The following PEAK3 variants were observed in gnomAD, a reference collection of about 807,000 sequenced individuals.
PEAK3 encodes the protein protein PEAK3.
A neutral mutation model predicts 13.3 loss-of-function variants in PEAK3; 15 were observed. The ratio of observed to expected loss-of-function variants is 1.13; its 90% confidence interval spans 0.75 to 1.73. The LOEUF is 1.73. Among genes scored for constraint, PEAK3 ranks in the 40% most tolerant of loss-of-function variants. The probability of loss-of-function intolerance (pLI) is 0.00; values close to 1 mark genes in which losing one functional copy is unlikely to be tolerated. For missense variants in PEAK3, 739 were observed against 690.2 expected, an observed-to-expected ratio of 1.07 and a Z score of -0.79; for synonymous variants, 347 against 341.9, an observed-to-expected ratio of 1.01 and a Z score of -0.17.
Position 2,278,979 on chromosome 19 carries a change from G to A in PEAK3, c.217C>T (p.Arg73Cys), listed in dbSNP as rs1287879811. 28 of 1,595,814 alleles carry A rather than the reference G, an allele frequency of 1.8e-5. 1 individual carries two copies. The highest frequency in any genetic ancestry group is 6.8e-5 in the Admixed American group (4 of 58,774). ...ATGGAGCTGGGATGGAGGGTCCTGCGGGTGGGCAGTGACTGGGTCCGGGTT... is the reference window on the plus strand; with the variant it reads ...ATGGAGCTGGGATGGAGGGTCCTGCAGGTGGGCAGTGACTGGGTCCGGGTT... ...ILTRTQSLPTRRTLHPSSIQV... is the reference protein window; with the variant it reads ...ILTRTQSLPTCRTLHPSSIQV... Residue 73 changes from arginine (R) to cysteine (C), a missense_variant, in exon 3 of 4, where the codon CGC becomes TGC. Arg to Cys is a radical substitution (Grantham distance 180). Coordinates refer to ENST00000342063, the MANE Select transcript of PEAK3 (RefSeq NM_198532.3).
chr19:2,281,982 C>CCGTG (rs2025442238), intron 1 of PEAK3, 105 bp downstream of exon 1: 1 of 152,868 alleles, frequency 6.5e-6, no homozygotes, highest in South Asian at 2.0e-4. Context: ...GAGGGCTCAG[C>CCGTG]CGTGCGGTTG....
chr19:2,281,766 G>A (rs1026180442), intron 1 of PEAK3, among the ~76,000 whole-genome samples: 3 of 152,140 alleles, frequency 2.0e-5, no homozygotes, highest in East Asian at 1.9e-4. Flanking sequence ...GTGTGATCCC[G>A]AGTGGGTTTC....
In PEAK3 at chr19:2,278,688, T is replaced by C. The variant is rs2145072648; in HGVS notation, c.508A>G (p.Ser170Gly). The C allele has an allele frequency of 6.6e-7, 1 of 1,526,474 alleles. No individual in the cohort carries two copies. The highest frequency in any genetic ancestry group is 2.3e-5 in the East Asian group (1 of 43,790). 94.6% of individuals were successfully genotyped at this position (1,526,474 alleles called of 1,614,324 possible). A position where few individuals can be genotyped will look rare whatever the true frequency, so the allele number is the denominator to read the frequency against. Residue 170 changes from serine to glycine, a missense_variant, in exon 3 of 4, where the codon AGC becomes GGC. By Grantham distance (56) the Ser-to-Gly change is moderately conservative. Transcript: ENST00000342063. ...GGTGAGCTGTCTAGGAGGCGGAAGC[T>C]GTGGCCGGGGTGGCAGGGCCCGGGG... ...GHPGPCHPGH[S>G]FRLLDSSPCA...
At chr19:2,280,196 G>A (rs1225586994) in intron 2 of PEAK3, among the ~76,000 whole-genome samples, 1 of 151,426 alleles carries the variant, frequency 6.6e-6, no homozygotes, top group East Asian at 2.0e-4. Flanking sequence ...CCGAGTAGCT[G>A]GAATTACAGG....
chr19:2,281,419 T>C (rs370616312), intron 1 of PEAK3, among the ~76,000 whole-genome samples: 7 of 100,634 alleles, frequency 7.0e-5, no homozygotes, highest in East Asian at 3.2e-4. Flanking sequence ...GCTGTGTGAT[T>C]CTGAGTGGGT....
intron 3 of PEAK3, among the ~76,000 whole-genome samples, 182 bp downstream of exon 3, chr19:2,278,402 C>G (rs966883452): frequency 1.5e-4 from 23 of 152,024 alleles, no homozygotes; most frequent in African/African-American, 5.1e-4. Context: ...CTCAGCTGAT[C>G]CGCCCGCCTT....
At chr19:2,280,793 ACC>A in intron 2 of PEAK3, 55 bp downstream of exon 2, 1 of 1,381,422 alleles carries the variant, frequency 7.2e-7, no homozygotes, top group Non-Finnish European at 9.8e-7. Context: ...CGCTCCCTGC[ACC>A]CCCCTGCCGC....
chr19:2,276,182 G>A lies in PEAK3; in HGVS notation c.920C>T (p.Pro307Leu). The change falls in exon 4 of 4, where the codon CCG becomes CTG. Residue 307 changes from proline to leucine, a missense_variant. By Grantham distance (98) the Pro-to-Leu change is moderately conservative (BLOSUM62 -3). Coordinates refer to ENST00000342063, the MANE Select transcript of PEAK3 (RefSeq NM_198532.3). ...AGGTGCCACCAGCAGCAAGTTCTCC[G>A]GCCGCAACTCGACTAGGGCCGCGCC... ...AWGAALVELR[P>L]ENLLLVAPRG... The A allele has an allele frequency of 1.3e-6, 2 of 1,551,136 alleles. No individual in the cohort carries two copies. The highest frequency in any genetic ancestry group is 1.2e-5 in the South Asian group (1 of 84,868).
intron 1 of PEAK3, among the ~76,000 whole-genome samples, chr19:2,281,394 T>C (rs1181404000): frequency 2.9e-5 from 3 of 101,828 alleles, no homozygotes; most frequent in South Asian, 3.6e-4. Context: ...GGTTTCCTAC[T>C]CTCTCTGGGC....
intron 2 of PEAK3, among the ~76,000 whole-genome samples, chr19:2,280,591 C>CCTGCCTCAGCCTTGGGAGG (rs2025430215): frequency 6.6e-6 from 1 of 151,834 alleles, no homozygotes; most frequent in Non-Finnish European, 1.5e-5. Flanking sequence ...CTCAAGGGAT[C>CCTGCCTCAGCCTTGGGAGG]CACCTGCCTC....
intron 2 of PEAK3, 149 bp from the exon 3 acceptor site, chr19:2,279,262 A>G: frequency 1.6e-6 from 1 of 624,448 alleles, no homozygotes; most frequent in Non-Finnish European, 2.4e-6. Context: ...CCCAGCACTT[A>G]GGAAGGTGGA....
In PEAK3 at chr19:2,275,869, T is replaced by C. The variant is rs1475382676; in HGVS notation, c.1233A>G (p.Ala411=). Residue 411 remains alanine, a synonymous_variant, in exon 4 of 4, where the codon GCA becomes GCG. Coordinates refer to ENST00000342063, the MANE Select transcript of PEAK3 (RefSeq NM_198532.3). ...GCGCTCGGAGCCAGGGACCAAGCGGTGCTCCGCGGCCGCGCAGCTCAGGCC... is the reference window on the plus strand; with the variant it reads ...GCGCTCGGAGCCAGGGACCAAGCGGCGCTCCGCGGCCGCGCAGCTCAGGCC... ...GPGPELRGRG[A]PLGPWLRALG... is the part of the protein sequence containing the mutation. 6.9e-7 allele frequency: 1 copy of C among 1,457,808 alleles called. No individual in the cohort carries two copies. Among genetic ancestry groups the C allele is most frequent in the Non-Finnish European group, 9.0e-7 (1 of 1,111,976 alleles). The allele number at this position is 1,457,808 out of a possible 1,614,324, so 90.3% of individuals were successfully genotyped here.
Position 2,278,593 on chromosome 19 carries a change from C to A in PEAK3, c.603G>T (p.Leu201=). 6.8e-7 allele frequency: 1 copy of A among 1,478,838 alleles called. No homozygotes were observed. Among genetic ancestry groups the A allele is most frequent in the Non-Finnish European group, 9.0e-7 (1 of 1,115,004 alleles). 91.6% of individuals were successfully genotyped at this position (1,478,838 alleles called of 1,614,324 possible). The change falls in exon 3 of 4, where the codon CTG becomes CTT. Residue 201 remains leucine (L), a synonymous_variant. Transcript: ENST00000342063. ...GGGCTGTGGGGCTCACCTTGGCGAC[C>A]AGGATGTGCCAGGCGTCCTCGTGCG... ...VRAHEDAWHI[L]VAKVPKPGAD... is the part of the protein sequence containing the mutation.
rs1056711313 is a variant in PEAK3, at chr19:2,282,149, C to T, written c.-67G>A. 3 of 152,470 alleles carry T rather than the reference C, an allele frequency of 2.0e-5. No individual in the cohort carries two copies. Among genetic ancestry groups the T allele is most frequent in the Non-Finnish European group, 4.4e-5 (3 of 68,210 alleles). 9.4% of individuals were successfully genotyped at this position (152,470 alleles called of 1,614,324 possible). ...CGTGGGGACAAACTCCCAATGGCCA[C>T]AGCCCCTGGCCTCGCAGGAGGGGTC... On this transcript the variant is annotated 5_prime_UTR_variant, in exon 1 of 4. In the 5' UTR this introduces an upstream ATG that the reference lacks. Coordinates refer to ENST00000342063, the MANE Select transcript of PEAK3 (RefSeq NM_198532.3).
chr19:2,276,699 GGAA>G (rs2025393844), intron 3 of PEAK3, among the ~76,000 whole-genome samples: 1 of 152,318 alleles, frequency 6.6e-6, no homozygotes, highest in East Asian at 1.9e-4. Flanking sequence ...GTTAAGCCAG[GGAA>G]GAAGATGTTC....
At chr19:2,278,324 C>T (rs1198749288) in intron 3 of PEAK3, among the ~76,000 whole-genome samples, 3 of 146,396 alleles carry the variant, frequency 2.0e-5, no homozygotes, top group Non-Finnish European at 4.4e-5. Flanking sequence ...GCCACCACAC[C>T]TAATTTTTGT....
At chr19:2,279,229 C>T (rs1015223207) in intron 2 of PEAK3, 116 bp from the exon 3 acceptor site, 18 of 881,560 alleles carry the variant, frequency 2.0e-5, no homozygotes, top group Middle Eastern at 3.7e-4. Context: ...TGAGGCTGGG[C>T]GCCGGTGGCT....
chr19:2,275,548 G>C lies in PEAK3; in HGVS notation c.*132C>G, dbSNP rs1015147624. Reference sequence around the variant, plus strand: ...ACGGGAGGGGAGGCTCTGGAGTGGGGCATTGCTCTCTCTGCTGCGCTCCTG... The same window carrying C: ...ACGGGAGGGGAGGCTCTGGAGTGGGCCATTGCTCTCTCTGCTGCGCTCCTG... On this transcript the variant is annotated 3_prime_UTR_variant, in exon 4 of 4. Coordinates refer to ENST00000342063, the MANE Select transcript of PEAK3 (RefSeq NM_198532.3). 8 of 791,648 alleles carry C rather than the reference G, an allele frequency of 1.0e-5. No homozygotes were observed. Among genetic ancestry groups the C allele is most frequent in the Non-Finnish European group, 1.4e-5 (8 of 573,106 alleles). The allele number at this position is 791,648 out of a possible 1,614,324, so 49.0% of individuals were successfully genotyped here. A position where few individuals can be genotyped will look rare whatever the true frequency, so the allele number is the denominator to read the frequency against.
intron 2 of PEAK3, among the ~76,000 whole-genome samples, chr19:2,280,564 G>A (rs1462904289): frequency 4.6e-5 from 7 of 151,618 alleles, no homozygotes; most frequent in Non-Finnish European, 1.0e-4. Context: ...TGCCCAGGCC[G>A]GTCTTGAACT....
Sources: allele counts gnomAD v4.1 joint callset (sites outside exome capture counted in the v4.1 genomes callset), GRCh38; gene constraint gnomAD v4.1.1; transcripts MANE v1.5; gene names NCBI Gene and HGNC (gene_info 2026-07-23, HGNC 2026-07-21).